Variants in PTPRK observed in about 807,000 individuals in gnomAD.
The protein encoded by PTPRK is protein tyrosine phosphatase receptor type K, also known as receptor-type tyrosine-protein phosphatase kappa.
In PTPRK, 75 loss-of-function variants were observed where a neutral mutation model predicts 178.0. The observed-to-expected ratio is 0.42, with a 90% CI of 0.35 to 0.51. The LOEUF (loss-of-function observed/expected upper bound fraction) is 0.51. Among genes scored for constraint, PTPRK ranks in the 20% least tolerant of loss-of-function variants. The probability of loss-of-function intolerance (pLI) is 0.02; values close to 1 mark genes in which losing one functional copy is unlikely to be tolerated. For synonymous variants in PTPRK, 637 were observed against 620.6 expected (o/e 1.03, Z -0.39); for missense variants, 1,441 against 1,797.8 (o/e 0.80, Z 3.59).
intron 6 of PTPRK, among the ~76,000 whole-genome samples, chr6:128,200,385 C>T (rs1805687818): frequency 6.6e-6 from 1 of 151,952 alleles, no homozygotes; most frequent in Non-Finnish European, 1.5e-5. Flanking sequence ...AGATTACATC[C>T]CTACTTAAGA....
intron 1 of PTPRK, among the ~76,000 whole-genome samples, chr6:128,508,244 TGGG>T (rs1856647631): frequency 6.6e-6 from 1 of 152,150 alleles, no homozygotes; most frequent in Admixed American, 6.6e-5. Context: ...GCACAGGCAC[TGGG>T]ACAAGTCACT....
At chr6:128,405,308 G>A (rs1320070998) in intron 1 of PTPRK, among the ~76,000 whole-genome samples, 1 of 151,982 alleles carries the variant, frequency 6.6e-6, no homozygotes, top group Non-Finnish European at 1.5e-5. Context: ...TTCTATCTTT[G>A]AAAACATTAA....
intron 7 of PTPRK, among the ~76,000 whole-genome samples, chr6:128,094,291 C>T (rs749365310): frequency 1.2e-4 from 18 of 152,042 alleles, no homozygotes; most frequent in Non-Finnish European, 2.5e-4. Flanking sequence ...AATTTGGAGG[C>T]TGTGTCAATT....
chr6:128,370,599 A>G (rs1836137303), intron 2 of PTPRK, among the ~76,000 whole-genome samples: 2 of 152,110 alleles, frequency 1.3e-5, no homozygotes, highest in Admixed American at 6.5e-5. Flanking sequence ...CTCATAAAAA[A>G]TTTCTACCAG....
At chr6:128,198,281 C>A (rs553994576) in intron 6 of PTPRK, among the ~76,000 whole-genome samples, 3 of 152,222 alleles carry the variant, frequency 2.0e-5, no homozygotes, top group African/African-American at 7.2e-5. Flanking sequence ...AATGCACTGC[C>A]CTTTCATGAT....
At chr6:128,327,500 G>C (rs1018361132) in intron 2 of PTPRK, among the ~76,000 whole-genome samples, 1 of 152,110 alleles carries the variant, frequency 6.6e-6, no homozygotes, top group African/African-American at 2.4e-5. Context: ...CAGTCTGACA[G>C]ACCCCTCATT....
chr6:128,069,203 T>C (rs1782379004), intron 11 of PTPRK, among the ~76,000 whole-genome samples: 1 of 152,208 alleles, frequency 6.6e-6, no homozygotes, highest in African/African-American at 2.4e-5. Flanking sequence ...TCCATTAAAA[T>C]ATTGCTAATA....
At chr6:128,038,334 T>TA (rs775205146) in intron 13 of PTPRK, among the ~76,000 whole-genome samples, 2 of 152,178 alleles carry the variant, frequency 1.3e-5, no homozygotes, top group East Asian at 1.9e-4. Flanking sequence ...TAACATTTTT[T>TA]AAAAAAATTA....
intron 1 of PTPRK, among the ~76,000 whole-genome samples, chr6:128,444,721 G>GA (rs1279473204): frequency 2.0e-5 from 3 of 152,188 alleles, no homozygotes; most frequent in African/African-American, 4.8e-5. Flanking sequence ...AAAAGTAGAA[G>GA]AAAAAACAGA....
chr6:128,391,986 C>G (rs1435479061), intron 2 of PTPRK, among the ~76,000 whole-genome samples: 2 of 152,010 alleles, frequency 1.3e-5, no homozygotes, highest in African/African-American at 4.8e-5. Flanking sequence ...GGTACAAAAT[C>G]ATGTGACCCA....
chr6:128,084,396 G>T (rs1785376766), intron 8 of PTPRK, among the ~76,000 whole-genome samples: 1 of 152,110 alleles, frequency 6.6e-6, no homozygotes, highest in Non-Finnish European at 1.5e-5. Context: ...AGGCAGTGTT[G>T]ATTATTACCA....
intron 1 of PTPRK, among the ~76,000 whole-genome samples, chr6:128,454,592 C>T (rs1464261979): frequency 6.6e-6 from 1 of 152,128 alleles, no homozygotes; most frequent in Non-Finnish European, 1.5e-5. Flanking sequence ...TGTCTAACTC[C>T]AAAACATTTT....
intron 3 of PTPRK, among the ~76,000 whole-genome samples, chr6:128,263,126 C>A (rs1818429484): frequency 6.6e-6 from 1 of 152,088 alleles, no homozygotes; most frequent in African/African-American, 2.4e-5. Context: ...ACAAGGAAGA[C>A]TGTAGAAGAA....
chr6:128,229,784 A>G (rs1345940662), intron 5 of PTPRK, among the ~76,000 whole-genome samples: 2 of 152,228 alleles, frequency 1.3e-5, no homozygotes, highest in Non-Finnish European at 2.9e-5. Context: ...TAATGATATT[A>G]AAAGAAAAAA....
chr6:128,307,182 T>C (rs1826532048), intron 3 of PTPRK, among the ~76,000 whole-genome samples: 2 of 149,056 alleles, frequency 1.3e-5, no homozygotes, highest in African/African-American at 4.9e-5. Context: ...TATATATGGA[T>C]ATATACATAC....
At chr6:128,345,541 C>T (rs147294563) in intron 2 of PTPRK, among the ~76,000 whole-genome samples, 169 of 152,284 alleles carry the variant, frequency 1.1e-3, no homozygotes, top group African/African-American at 3.7e-3. Flanking sequence ...CAATAAGTAT[C>T]GGCTAATTGA....
chr6:128,306,422 G>A lies in PTPRK; in HGVS notation c.495+15617C>T, dbSNP rs7765555. 6.3e-3 allele frequency among the ~76,000 whole-genome samples: 954 copies of A among 152,242 alleles called. 12 individuals carry two copies. The highest frequency in any genetic ancestry group is 0.022 in the African/African-American group (914 of 41,538). On this transcript the variant is annotated intron_variant, in intron 3 of 29. Coordinates refer to ENST00000368226, the MANE Select transcript of PTPRK (RefSeq NM_002844.4). ...AAGACAGATGTTATAAAACAGAACTGGGGCTAGACAAGAAACAGAGAGAGC... is the reference window on the plus strand; with the variant it reads ...AAGACAGATGTTATAAAACAGAACTAGGGCTAGACAAGAAACAGAGAGAGC...
At chr6:128,387,054 C>T (rs1182095450) in intron 2 of PTPRK, among the ~76,000 whole-genome samples, 1 of 151,908 alleles carries the variant, frequency 6.6e-6, no homozygotes, top group African/African-American at 2.4e-5. Flanking sequence ...GGTGACACAG[C>T]GAGACTCTGT....
At chr6:128,350,245 G>T (rs545609555) in intron 2 of PTPRK, among the ~76,000 whole-genome samples, 1 of 149,774 alleles carries the variant, frequency 6.7e-6, no homozygotes, top group Admixed American at 6.7e-5. Flanking sequence ...TCACAGCAAG[G>T]TAGAAAGTAT....
Sources: gnomAD v4.1 joint callset for allele counts (sites outside exome capture counted in the v4.1 genomes callset) on GRCh38, gnomAD v4.1.1 for gene constraint, MANE v1.5 for transcripts, NCBI Gene and HGNC (gene_info 2026-07-23, HGNC 2026-07-21) for gene names.